MAPK8IP1: variants seen among roughly 807,000 people sequenced by gnomAD.
MAPK8IP1 encodes mitogen-activated protein kinase 8 interacting protein 1, also known as C-Jun-amino-terminal kinase-interacting protein 1.
A neutral mutation model predicts 72.6 loss-of-function variants in MAPK8IP1; 17 were observed. The observed-to-expected ratio is 0.23, with a 90% CI of 0.16 to 0.35. The LOEUF (loss-of-function observed/expected upper bound fraction) is 0.35. Among genes scored for constraint, MAPK8IP1 ranks in the 10% least tolerant of loss-of-function variants. The pLI, the probability that MAPK8IP1 is intolerant of heterozygous loss-of-function variation, is 1.00. For missense variants in MAPK8IP1, 789 were observed against 1,009.7 expected, an observed-to-expected ratio of 0.78 and a Z score of 2.96; for synonymous variants, 401 against 443.4, an observed-to-expected ratio of 0.90 and a Z score of 1.20.
Position 45,902,881 on chromosome 11 carries a change from A to G in MAPK8IP1, c.1114A>G (p.Ser372Gly), listed in dbSNP as rs1211342004. ...PPRASLSSDT[S>G]ALSYDSVKYT... is the part of the protein sequence containing the mutation. ...ACGGGCCTCTCTGAGCTCGGACACC[A>G]GCGCCCTGTCCTATGACTCTGTCAA... The change falls in exon 5 of 12, where the codon AGC (serine) becomes GGC (glycine). Residue 372 changes from serine (S) to glycine (G), a missense_variant. Physicochemically the swap from Ser to Gly is moderately conservative, Grantham distance 56. This residue lies in a region of MAPK8IP1 where 377 missense variants were observed against 411.7 expected (regional missense o/e 0.92). Transcript: ENST00000241014. This position sits in a 1 kb window ranked among gnomAD's most constrained non-coding sequence, Gnocchi z 9.3. The G allele has an allele frequency of 6.2e-7, 1 of 1,600,338 alleles. No homozygotes were observed. The highest frequency in any genetic ancestry group is 1.7e-5 in the Admixed American group (1 of 58,114).
rs1175870119 is a variant in MAPK8IP1 at position 45,898,085 on chromosome 11, G to C, written c.102G>C (p.Arg34Ser). The C allele has an allele frequency of 6.2e-7, 1 of 1,609,146 alleles. No individual in the cohort carries two copies. Among genetic ancestry groups the C allele is most frequent in the African/African-American group, 1.3e-5 (1 of 74,936 alleles). ...AACTTTGGCTTCCTGTCCCCACCAG[G>C]CTCACCCATGACATCAGCCTGGAGG... Reference protein sequence around the residue: ...GLHIASPPNFRLTHDISLEEF... With the variant: ...GLHIASPPNFSLTHDISLEEF... Residue 34 changes from arginine to serine, a missense_variant and splice_region_variant, in exon 2 of 12, where the codon AGG becomes AGC. Around this residue, in one of 4 missense-constraint regions of MAPK8IP1, gnomAD observed 112 missense variants for 111.8 expected, o/e 1.00. Coordinates refer to ENST00000241014, the MANE Select transcript of MAPK8IP1 (RefSeq NM_005456.4).
chr11:45,902,534 C>T lies in MAPK8IP1; in HGVS notation c.767C>T (p.Pro256Leu), dbSNP rs1008282227. ...APPGGPPAAP[P>L]GGRGHSHRDR... ...CCGGGTGGTCCCCCTGCTGCCCCGCCTGGGGGTCGGGGCCACTCGCATCGA... is the reference window on the plus strand; with the variant it reads ...CCGGGTGGTCCCCCTGCTGCCCCGCTTGGGGGTCGGGGCCACTCGCATCGA... Residue 256 changes from proline to leucine, a missense_variant, in exon 5 of 12, where the codon CCT becomes CTT. By Grantham distance (98) the Pro-to-Leu change is moderately conservative. Coordinates refer to ENST00000241014, the MANE Select transcript of MAPK8IP1 (RefSeq NM_005456.4). The surrounding 1 kb of genome is among the most constrained non-coding windows in gnomAD (Gnocchi z 9.3). 5 of 1,611,900 alleles carry T rather than the reference C, an allele frequency of 3.1e-6. No homozygotes were observed. The Admixed American group carries it at 6.7e-5, about 22-fold the overall frequency.
At chr11:45,905,089 C>T in intron 10 of MAPK8IP1, 48 bp downstream of exon 10, 1 of 1,612,000 alleles carries the variant, frequency 6.2e-7, no homozygotes. Flanking sequence ...TGGTCTGCAG[C>T]CTTGAGGTGG....
At chr11:45,896,640 G>C in intron 1 of MAPK8IP1, 1 of 1,385,154 alleles carries the variant, frequency 7.2e-7, no homozygotes. Context: ...CTGCAGCTGA[G>C]GGCTGCGCTG....
Position 45,900,044 on chromosome 11 carries a change from G to A in MAPK8IP1, c.208-94G>A. 1.2e-6 allele frequency: 1 copy of A among 824,698 alleles called. No individual in the cohort carries two copies. The highest frequency in any genetic ancestry group is 1.6e-6 in the Non-Finnish European group (1 of 644,766). The allele number at this position is 824,698 out of a possible 1,614,324, so 51.1% of individuals were successfully genotyped here. On this transcript the variant is annotated intron_variant, in intron 2 of 11. Coordinates refer to ENST00000241014, the MANE Select transcript of MAPK8IP1 (RefSeq NM_005456.4). The surrounding 1 kb of genome is among the most constrained non-coding windows in gnomAD (Gnocchi z 6.5). ...TCGGCTCCCCTCGTGCCCCCTTCGC[G>A]CCACAGAATGGACTCGCCCGGGCGG...
chr11:45,900,328 A>T lies in MAPK8IP1; in HGVS notation c.398A>T (p.Gln133Leu), dbSNP rs1026894203. 1.7e-5 allele frequency: 24 copies of T among 1,441,276 alleles called. No individual in the cohort carries two copies. Among genetic ancestry groups the T allele is most frequent in the Non-Finnish European group, 1.8e-5 (20 of 1,104,556 alleles). The allele number at this position is 1,441,276 out of a possible 1,614,324, so 89.3% of individuals were successfully genotyped here. ...GAGPPKAESG[Q>L]EPASRGQGQS... is the part of the protein sequence containing the mutation. ...GGGCCGCCCAAGGCCGAGTCCGGCC[A>T]GGAGCCGGCGTCCCGCGGCCAGGGC... The change falls in exon 3 of 12, where the codon CAG becomes CTG. Residue 133 changes from glutamine (Q) to leucine (L), a missense_variant. Around this residue, in one of 4 missense-constraint regions of MAPK8IP1, gnomAD observed 112 missense variants for 192.8 expected, o/e 0.58. Coordinates refer to ENST00000241014, the MANE Select transcript of MAPK8IP1 (RefSeq NM_005456.4). This position sits in a 1 kb window ranked among gnomAD's most constrained non-coding sequence, Gnocchi z 6.5.
rs1565071629 is a variant in MAPK8IP1 at position 45,894,921 on chromosome 11, G to C, written c.102-3164G>C. On this transcript the variant is annotated intron_variant, in intron 1 of 11. Transcript: ENST00000241014. ...ACACTACTGTACATCCAGGCAGATGGTGACATCAGCCACATGCAAGGGCTG... is the reference window on the plus strand; with the variant it reads ...ACACTACTGTACATCCAGGCAGATGCTGACATCAGCCACATGCAAGGGCTG... 3.9e-5 allele frequency among the ~76,000 whole-genome samples: 6 copies of C among 152,316 alleles called. 1 individual carries two copies. Among genetic ancestry groups the C allele is most frequent in the Non-Finnish European group, 1.5e-5 (1 of 68,016 alleles).
chr11:45,903,987 A>C lies in MAPK8IP1; in HGVS notation c.1494-2A>C. 1 of 1,612,884 alleles carries C rather than the reference A, an allele frequency of 6.2e-7. No homozygotes were observed. The highest frequency in any genetic ancestry group is 8.5e-7 in the Non-Finnish European group (1 of 1,179,902). The stretch of plus-strand genomic sequence containing the variant: ...TTTCTCACCTGTCCTTGCTGGGGAC[A>C]GGTTTGTGCCTCGACACGAAGACGA... On this transcript the variant is annotated splice_acceptor_variant, in intron 6 of 11. Coordinates refer to ENST00000241014, the MANE Select transcript of MAPK8IP1 (RefSeq NM_005456.4). LOFTEE classifies it high-confidence loss of function. The surrounding 1 kb of genome is among the most constrained non-coding windows in gnomAD (Gnocchi z 6.4).
In MAPK8IP1 at chr11:45,905,871, T is replaced by C. The variant is rs1186678793; in HGVS notation, c.*150T>C. On this transcript the variant is annotated 3_prime_UTR_variant, in exon 12 of 12. Coordinates refer to ENST00000241014, the MANE Select transcript of MAPK8IP1 (RefSeq NM_005456.4). ...GCCGCTGGCCCAGGGTAGGGGAGGGTGGGGCAATGGGGAGAGGCAAATGCA... is the reference window on the plus strand; with the variant it reads ...GCCGCTGGCCCAGGGTAGGGGAGGGCGGGGCAATGGGGAGAGGCAAATGCA... 2.8e-6 allele frequency: 2 copies of C among 719,654 alleles called. No homozygotes were observed. Among genetic ancestry groups the C allele is most frequent in the African/African-American group, 1.7e-5 (1 of 57,380 alleles). 44.6% of individuals were successfully genotyped at this position (719,654 alleles called of 1,614,324 possible).
chr11:45,895,149 C>T (rs1282854601), intron 1 of MAPK8IP1, among the ~76,000 whole-genome samples: 1 of 152,044 alleles, frequency 6.6e-6, no homozygotes, highest in African/African-American at 2.4e-5. Flanking sequence ...CCAAGTGGGG[C>T]GGGAGGGATG....
At chr11:45,896,152 C>T (rs11038706) in intron 1 of MAPK8IP1, among the ~76,000 whole-genome samples, 14,473 of 152,286 alleles carry the variant, frequency 0.095, 1,872 homozygotes, top group East Asian at 0.57. Context: ...GGCCCAAACA[C>T]TGGCCTGCCC....
Position 45,904,967 on chromosome 11 carries a change from G to A in MAPK8IP1, c.1894-4G>A, listed in dbSNP as rs370860099. ...CCCTCTTGCTTCTTTTCTCCCTCCT[G>A]TAGGGGAATAAATGTAGCCACTTTT... On this transcript the variant is annotated splice_polypyrimidine_tract_variant and splice_region_variant and intron_variant, in intron 9 of 11. Coordinates refer to ENST00000241014, the MANE Select transcript of MAPK8IP1 (RefSeq NM_005456.4). The surrounding 1 kb of genome is among the most constrained non-coding windows in gnomAD (Gnocchi z 6.4). 37 of 1,613,972 alleles carry A rather than the reference G, an allele frequency of 2.3e-5. No individual in the cohort carries two copies. Among genetic ancestry groups the A allele is most frequent in the African/African-American group, 2.1e-4 (16 of 75,020 alleles).
At chr11:45,886,652 A>G (rs767423886) in intron 1 of MAPK8IP1, among the ~76,000 whole-genome samples, 11 of 151,958 alleles carry the variant, frequency 7.2e-5, no homozygotes, top group East Asian at 1.9e-4. Flanking sequence ...CCACCCCCCA[A>G]TCTGGTGTTA....
intron 1 of MAPK8IP1, among the ~76,000 whole-genome samples, chr11:45,897,206 C>T (rs2044545862): frequency 6.8e-6 from 1 of 147,618 alleles, no homozygotes; most frequent in African/African-American, 2.7e-5. Flanking sequence ...CCCCCCACCA[C>T]CCCCCCAGCA....
intron 1 of MAPK8IP1, chr11:45,896,856 C>T (rs997272263): frequency 1.2e-5 from 18 of 1,548,324 alleles, no homozygotes; most frequent in Admixed American, 5.9e-5. Flanking sequence ...GGCCCCGCAG[C>T]CCCCCGGCCG....
At position 45,902,273 on chromosome 11, in the gene MAPK8IP1, C is replaced by T. The variant is rs2086659819; in HGVS notation, c.605-99C>T. Reference sequence around the variant, plus strand: ...GCGAAGGGCCTGTTGCCCAGGGAGGCTTTGTCTTGGTTTCTGTGTCACCAA... The same window carrying T: ...GCGAAGGGCCTGTTGCCCAGGGAGGTTTTGTCTTGGTTTCTGTGTCACCAA... On this transcript the variant is annotated intron_variant, in intron 4 of 11. Transcript: ENST00000241014. The surrounding 1 kb of genome is among the most constrained non-coding windows in gnomAD (Gnocchi z 9.3). 8.6e-7 allele frequency: 1 copy of T among 1,158,118 alleles called. No homozygotes were observed. The highest frequency in any genetic ancestry group is 1.3e-6 in the Non-Finnish European group (1 of 788,314). The allele number at this position is 1,158,118 out of a possible 1,614,324, so 71.7% of individuals were successfully genotyped here.
Position 45,903,508 on chromosome 11 carries a change from C to A in MAPK8IP1, c.1493+68C>A. On this transcript the variant is annotated intron_variant, in intron 6 of 11. Transcript: ENST00000241014. The surrounding 1 kb of genome is among the most constrained non-coding windows in gnomAD (Gnocchi z 6.4). ...GGGCCACACACCACCCTCTACTTGT[C>A]ACCCCTACATGGCCTCAGCCTAACC... 7.3e-7 allele frequency: 1 copy of A among 1,365,544 alleles called. No homozygotes were observed. Among genetic ancestry groups the A allele is most frequent in the South Asian group, 1.2e-5 (1 of 81,702 alleles). The allele number at this position is 1,365,544 out of a possible 1,614,324, so 84.6% of individuals were successfully genotyped here.
rs943298387 is a variant in MAPK8IP1 at position 45,900,545 on chromosome 11, G to A, written c.522+93G>A. 1.8e-5 allele frequency: 26 copies of A among 1,421,206 alleles called. No individual in the cohort carries two copies. Among genetic ancestry groups the A allele is most frequent in the Non-Finnish European group, 2.4e-5 (26 of 1,061,224 alleles). 88.0% of individuals were successfully genotyped at this position (1,421,206 alleles called of 1,614,324 possible). A position where few individuals can be genotyped will look rare whatever the true frequency, so the allele number is the denominator to read the frequency against. ...CTGCAGCGGGAAGGGGCACCCACGG[G>A]TCCAGTGCCTGGGGACAGCGCCTGC... On this transcript the variant is annotated intron_variant, in intron 3 of 11. Transcript: ENST00000241014. This position sits in a 1 kb window ranked among gnomAD's most constrained non-coding sequence, Gnocchi z 6.5.
intron 1 of MAPK8IP1, among the ~76,000 whole-genome samples, chr11:45,893,287 C>T (rs1590783223): frequency 6.8e-6 from 1 of 148,146 alleles, no homozygotes; most frequent in East Asian, 1.9e-4. Context: ...GAAATGTGAC[C>T]CAGCAAGGCA....
Sources: gnomAD v4.1 joint callset for allele counts (sites outside exome capture counted in the v4.1 genomes callset) on GRCh38, gnomAD v4.1.1 for gene constraint, gnomAD v4.1.1 regional missense constraint, Gnocchi (gnomAD v3.1) non-coding constraint, MANE v1.5 for transcripts, NCBI Gene and HGNC (gene_info 2026-07-23, HGNC 2026-07-21) for gene names.